Variants in TTBK1 observed in about 807,000 individuals in gnomAD.
TTBK1 encodes tau tubulin kinase 1, also known as tau-tubulin kinase 1.
A neutral mutation model predicts 108.5 loss-of-function variants in TTBK1; 34 were observed. That is an observed-to-expected ratio of 0.31 (90% confidence interval 0.24 to 0.42). TTBK1 has a LOEUF of 0.42. Ranked by LOEUF, TTBK1 falls within the 10% of genes least tolerant of loss-of-function variation. The pLI is 1.00. For missense variants in TTBK1, 1,539 were observed against 1,826.0 expected, an observed-to-expected ratio of 0.84 and a Z score of 2.86; for synonymous variants, 809 against 795.1, an observed-to-expected ratio of 1.02 and a Z score of -0.29.
chr6:43,285,281 G>C lies in TTBK1; in HGVS notation c.3871G>C (p.Gly1291Arg). 1 of 1,292,482 alleles carries C rather than the reference G, an allele frequency of 7.7e-7. No individual in the cohort carries two copies. The highest frequency in any genetic ancestry group is 9.8e-7 in the Non-Finnish European group (1 of 1,024,066). 80.1% of individuals were successfully genotyped at this position (1,292,482 alleles called of 1,614,324 possible). Reference sequence around the variant, plus strand: ...GCCTGATGGCACCCCCTCCCCCGGGGGCTCCAAGAAAGGACCCAGAGGGAA... The same window carrying C: ...GCCTGATGGCACCCCCTCCCCCGGGCGCTCCAAGAAAGGACCCAGAGGGAA... ...AQPDGTPSPG[G>R]SKKGPRGKLQ... Residue 1291 changes from glycine to arginine, a missense_variant, in exon 15 of 15, where the codon GGC becomes CGC. Gly to Arg is a moderately radical substitution (Grantham distance 125). Coordinates refer to ENST00000259750, the MANE Select transcript of TTBK1 (RefSeq NM_032538.3). This position sits in a 1 kb window ranked among gnomAD's most constrained non-coding sequence, Gnocchi z 4.7.
intron 2 of TTBK1, chr6:43,248,075 T>C (rs1777147507): frequency 6.6e-6 from 1 of 152,140 alleles, no homozygotes; most frequent in African/African-American, 2.4e-5. Context: ...TTCTGGCGGA[T>C]TGGAGGCAGA....
At position 43,259,129 on chromosome 6, in the gene TTBK1, G is replaced by T; in HGVS notation, c.1108G>T (p.Ala370Ser). 1 of 1,614,082 alleles carries T rather than the reference G, an allele frequency of 6.2e-7. No individual in the cohort carries two copies. Among genetic ancestry groups the T allele is most frequent in the Non-Finnish European group, 8.5e-7 (1 of 1,179,988 alleles). Residue 370 changes from alanine (A) to serine (S), a missense_variant, in exon 11 of 15, where the codon GCA becomes TCA. Coordinates refer to ENST00000259750, the MANE Select transcript of TTBK1 (RefSeq NM_032538.3). The surrounding 1 kb of genome is among the most constrained non-coding windows in gnomAD (Gnocchi z 6.7). ...QGEHLSDQEN[A>S]PPILPGRPSE... is the part of the protein sequence containing the mutation. ...AGAGCACCTGAGTGACCAGGAGAATGCACCCCCAATTCTGCCCGGGAGGCC... is the reference window on the plus strand; with the variant it reads ...AGAGCACCTGAGTGACCAGGAGAATTCACCCCCAATTCTGCCCGGGAGGCC...
chr6:43,272,972 C>G (rs953365986), intron 13 of TTBK1, among the ~76,000 whole-genome samples: 7 of 152,324 alleles, frequency 4.6e-5, no homozygotes, highest in African/African-American at 1.7e-4. Context: ...TAGTCTCACT[C>G]TGCATTTAGT....
Position 43,253,514 on chromosome 6 carries a change from T to C in TTBK1, c.331-54T>C. ...GCTGGGAAGAGTATCACAATGATGG[T>C]GTCTGGGATGATGGCTGAGGGTGAG... On this transcript the variant is annotated intron_variant, in intron 4 of 14. Coordinates refer to ENST00000259750, the MANE Select transcript of TTBK1 (RefSeq NM_032538.3). This position sits in a 1 kb window ranked among gnomAD's most constrained non-coding sequence, Gnocchi z 5.8. 1.9e-6 allele frequency: 3 copies of C among 1,586,478 alleles called. No homozygotes were observed. The highest frequency in any genetic ancestry group is 1.7e-6 in the Non-Finnish European group (2 of 1,166,036).
Position 43,252,811 on chromosome 6 carries a change from G to T in TTBK1, c.181G>T (p.Ala61Ser). 6.2e-7 allele frequency: 1 copy of T among 1,613,962 alleles called. No homozygotes were observed. Among genetic ancestry groups the T allele is most frequent in the South Asian group, 1.1e-5 (1 of 91,072 alleles). Residue 61 changes from alanine to serine, a missense_variant, in exon 3 of 15, where the codon GCC (alanine) becomes TCC (serine). Ala to Ser is a moderately conservative substitution (Grantham distance 99). This residue lies in a region of TTBK1 where 155 missense variants were observed against 348.5 expected (regional missense o/e 0.44). Transcript: ENST00000259750. ...AMDLLTRENV[A>S]LKVESAQQPK... is the part of the protein sequence containing the mutation. ...GGACCTGCTGACCAGGGAGAATGTGGCCCTCAAGGTGGAGTCAGCCCAGCA... is the reference window on the plus strand; with the variant it reads ...GGACCTGCTGACCAGGGAGAATGTGTCCCTCAAGGTGGAGTCAGCCCAGCA...
chr6:43,252,681 G>A (rs2150685169), intron 2 of TTBK1, 58 bp from the exon 3 acceptor site: 1 of 1,586,892 alleles, frequency 6.3e-7, no homozygotes. Flanking sequence ...AGCAGCAGGT[G>A]GGATGAGGAG....
At chr6:43,247,699 A>G (rs1330759221) in intron 2 of TTBK1, among the ~76,000 whole-genome samples, 2 of 151,864 alleles carry the variant, frequency 1.3e-5, no homozygotes, top group Non-Finnish European at 2.9e-5. Flanking sequence ...TTTAGTGGGG[A>G]GGCTCAGTTC....
Position 43,265,260 on chromosome 6 carries a change from ACTTGCTCAGATTGGGAGGC to A in TTBK1, c.1986+1916_1986+1934del, listed in dbSNP as rs1318889396. 2.6e-5 allele frequency among the ~76,000 whole-genome samples: 4 copies of A among 152,016 alleles called. No homozygotes were observed. Among genetic ancestry groups the A allele is most frequent in the African/African-American group, 9.7e-5 (4 of 41,380 alleles). ...TGTTGGGCCAGGGGCCAGTTCTACC[ACTTGCTCAGATTGGGAGGC>A]CTTGCCTGGGATCACATGGGTGCCC... On this transcript the variant is annotated intron_variant, in intron 13 of 14. Coordinates refer to ENST00000259750, the MANE Select transcript of TTBK1 (RefSeq NM_032538.3). This position sits in a 1 kb window ranked among gnomAD's most constrained non-coding sequence, Gnocchi z 4.1.
In TTBK1 at chr6:43,273,269, G is replaced by C. The variant is rs966566010; in HGVS notation, c.1987-9458G>C. Among the ~76,000 whole-genome samples, 1 of 152,072 alleles carries C rather than the reference G, an allele frequency of 6.6e-6. No homozygotes were observed. Among genetic ancestry groups the C allele is most frequent in the African/African-American group, 2.4e-5 (1 of 41,412 alleles). ...GTTGATTGATTGTCCTTTGCGGTGG[G>C]CCCCCTCCTCAGTCTATAGAAAAGA... On this transcript the variant is annotated intron_variant, in intron 13 of 14. Transcript: ENST00000259750. The surrounding 1 kb of genome is among the most constrained non-coding windows in gnomAD (Gnocchi z 4.2).
chr6:43,245,538 T>C (rs1777062902), intron 1 of TTBK1, among the ~76,000 whole-genome samples: 1 of 151,852 alleles, frequency 6.6e-6, no homozygotes, highest in Admixed American at 6.6e-5. Context: ...ACAGAAAAGA[T>C]AGACAAAGAA....
chr6:43,255,717 C>A lies in TTBK1; in HGVS notation c.736-14C>A. On this transcript the variant is annotated splice_polypyrimidine_tract_variant and intron_variant, in intron 8 of 14. Coordinates refer to ENST00000259750, the MANE Select transcript of TTBK1 (RefSeq NM_032538.3). ...CAGCTGGGACTCCATCTCCCTGTGG[C>A]CTCTTGCCTCCAGGAACAGGTAGGG... 1.2e-6 allele frequency: 2 copies of A among 1,614,106 alleles called. No individual in the cohort carries two copies. The highest frequency in any genetic ancestry group is 1.7e-6 in the Non-Finnish European group (2 of 1,180,000).
rs201570950 is a variant in TTBK1, at chr6:43,282,894, C to T, written c.2154C>T (p.Pro718=). The T allele has an allele frequency of 1.2e-6, 2 of 1,613,958 alleles. No individual in the cohort carries two copies. Among genetic ancestry groups the T allele is most frequent in the Non-Finnish European group, 1.7e-6 (2 of 1,179,982 alleles). ...VGFSHMLLTT[P]QVPLAPVQPQ... is the part of the protein sequence containing the mutation. ...TCTCGCACATGCTGCTCACCACCCC[C>T]CAGGTCCCACTGGCTCCTGTTCAGC... The change falls in exon 14 of 15, where the codon CCC becomes CCT. Residue 718 remains proline (P), a synonymous_variant. Transcript: ENST00000259750. The surrounding 1 kb of genome is among the most constrained non-coding windows in gnomAD (Gnocchi z 5.4).
intron 13 of TTBK1, among the ~76,000 whole-genome samples, chr6:43,278,044 T>G (rs2841659): frequency 3.0e-4 from 45 of 152,026 alleles, no homozygotes; most frequent in Admixed American, 2.3e-3. Flanking sequence ...ACTTTGGGAC[T>G]GTGGGCCGGG....
chr6:43,268,704 T>C (rs1395900311), intron 13 of TTBK1, among the ~76,000 whole-genome samples: 3 of 152,214 alleles, frequency 2.0e-5, no homozygotes, highest in Non-Finnish European at 4.4e-5. Context: ...AGCAGGATTC[T>C]TCCAGAAGGC....
intron 2 of TTBK1, among the ~76,000 whole-genome samples, chr6:43,251,328 G>A (rs760284347): frequency 1.6e-4 from 24 of 152,334 alleles, no homozygotes; most frequent in Non-Finnish European, 3.1e-4. Flanking sequence ...GATCAGAGTC[G>A]CAAGCCAGCA....
chr6:43,273,188 G>A lies in TTBK1; in HGVS notation c.1987-9539G>A, dbSNP rs1380608319. Among the ~76,000 whole-genome samples, 5 of 152,110 alleles carry A rather than the reference G, an allele frequency of 3.3e-5. No homozygotes were observed. The highest frequency in any genetic ancestry group is 5.9e-5 in the Non-Finnish European group (4 of 68,012). Reference sequence around the variant, plus strand: ...AACATATAAAAAACCCACCCATGCCGAATAATCTGAGGTCTTGTTTGACAG... The same window carrying A: ...AACATATAAAAAACCCACCCATGCCAAATAATCTGAGGTCTTGTTTGACAG... On this transcript the variant is annotated intron_variant, in intron 13 of 14. Coordinates refer to ENST00000259750, the MANE Select transcript of TTBK1 (RefSeq NM_032538.3). The surrounding 1 kb of genome is among the most constrained non-coding windows in gnomAD (Gnocchi z 4.2).
chr6:43,268,475 G>A (rs1052903157), intron 13 of TTBK1, among the ~76,000 whole-genome samples: 3 of 152,226 alleles, frequency 2.0e-5, no homozygotes, highest in South Asian at 4.1e-4. Flanking sequence ...CCATGTGACA[G>A]CAGCAAGGGA....
Position 43,255,083 on chromosome 6 carries a change from G to T in TTBK1, c.611G>T (p.Arg204Leu), listed in dbSNP as rs1378050315. ...GTGGCCGGGTTTCGAGGAACGGTTC[G>T]CTATGCCTCAGTCAATGCCCACAAG... ...RNVAGFRGTV[R>L]YASVNAHKNR... is the part of the protein sequence containing the mutation. Residue 204 changes from arginine to leucine, a missense_variant, in exon 7 of 15, where the codon CGC (arginine) becomes CTC (leucine). Arg to Leu is a moderately radical substitution (Grantham distance 102, BLOSUM62 -2). Transcript: ENST00000259750. The T allele has an allele frequency of 6.2e-7, 1 of 1,613,490 alleles. No individual in the cohort carries two copies. The highest frequency in any genetic ancestry group is 8.5e-7 in the Non-Finnish European group (1 of 1,179,872).
Position 43,287,155 on chromosome 6 carries a change from TC to T in TTBK1, c.*1782del, listed in dbSNP as rs1311725019. The T allele has an allele frequency of 6.6e-6, 1 of 152,584 alleles. No individual in the cohort carries two copies. The highest frequency in any genetic ancestry group is 1.5e-5 in the Non-Finnish European group (1 of 68,064). 9.5% of individuals were successfully genotyped at this position (152,584 alleles called of 1,614,324 possible). A position where few individuals can be genotyped will look rare whatever the true frequency, so the allele number is the denominator to read the frequency against. On this transcript the variant is annotated 3_prime_UTR_variant, in exon 15 of 15. Transcript: ENST00000259750. This position sits in a 1 kb window ranked among gnomAD's most constrained non-coding sequence, Gnocchi z 4.1. ...GTCCACCCCACGCTGATGCAGAAGC[TC>T]CCAGAACACTCAGGAAACTTCTCCG...
Sources: allele counts gnomAD v4.1 joint callset (sites outside exome capture counted in the v4.1 genomes callset), GRCh38; gene constraint gnomAD v4.1.1; regional missense constraint gnomAD v4.1.1; non-coding constraint Gnocchi (gnomAD v3.1); transcripts MANE v1.5; gene names NCBI Gene and HGNC (gene_info 2026-07-23, HGNC 2026-07-21).